Variants in SLC25A25 observed in about 807,000 individuals in gnomAD.
The protein encoded by SLC25A25 is solute carrier family 25 member 25, also known as mitochondrial adenyl nucleotide antiporter SLC25A25.
A neutral mutation model predicts 57.7 loss-of-function variants in SLC25A25; 32 were observed. The observed-to-expected ratio is 0.55, with a 90% CI of 0.42 to 0.74. The LOEUF is 0.74. Among genes scored for constraint, SLC25A25 ranks in the 30% least tolerant of loss-of-function variants. The pLI, the probability that SLC25A25 is intolerant of heterozygous loss-of-function variation, is 0.00. For missense variants in SLC25A25, 556 were observed against 701.3 expected, an observed-to-expected ratio of 0.79 and a Z score of 2.34; for synonymous variants, 306 against 291.2, an observed-to-expected ratio of 1.05 and a Z score of -0.52.
At chr9:128,084,455 G>A (rs1014838121) in intron 1 of SLC25A25, among the ~76,000 whole-genome samples, 4 of 151,934 alleles carry the variant, frequency 2.6e-5, no homozygotes, top group Non-Finnish European at 5.9e-5. Flanking sequence ...GAGCCACCGC[G>A]CCTGGCCTGA....
Position 128,099,129 on chromosome 9 carries a change from A to G in SLC25A25, c.262-1967A>G, listed in dbSNP as rs551472775. ...GCTGCCCGTCCCTGGTGTGGGGGTG[A>G]GGGAGCCTCCCGCCTTCTCGACTCT... is the stretch of plus-strand genomic sequence containing the variant. On this transcript the variant is annotated intron_variant, in intron 1 of 10. Transcript: ENST00000373069. This position sits in a 1 kb window ranked among gnomAD's most constrained non-coding sequence, Gnocchi z 6.8. The G allele has an allele frequency of 3.3e-5, 40 of 1,212,324 alleles. No individual in the cohort carries two copies. In the African/African-American group the frequency reaches 5.6e-4, roughly 17 times the overall value. 75.1% of individuals were successfully genotyped at this position (1,212,324 alleles called of 1,614,324 possible).
Position 128,106,398 on chromosome 9 carries a change from G to A in SLC25A25, c.1090G>A (p.Gly364Arg). Residue 364 changes from glycine to arginine, a missense_variant, in exon 9 of 11, where the codon GGA becomes AGA. Physicochemically the swap from Gly to Arg is moderately radical, Grantham distance 125. Transcript: ENST00000373069. ...GCTGCGGAAGACAGGCCAGTACTCA[G>A]GAATGCTGGACTGCGCCAGGAGGAT... ...MALRKTGQYS[G>R]MLDCARRILA... 1.9e-6 allele frequency: 3 copies of A among 1,613,794 alleles called. No homozygotes were observed. The highest frequency in any genetic ancestry group is 2.5e-6 in the Non-Finnish European group (3 of 1,179,924).
rs768428546 is a variant in SLC25A25, at chr9:128,101,051, G to C, written c.262-45G>C. 1.2e-6 allele frequency: 2 copies of C among 1,612,082 alleles called. No homozygotes were observed. Among genetic ancestry groups the C allele is most frequent in the Non-Finnish European group, 8.5e-7 (1 of 1,179,410 alleles). ...GGGGCCCCACAAGGGACAAGGAAAG[G>C]CTGGTCCAGGAGCCAAAAGACAAAA... is the stretch of plus-strand genomic sequence containing the variant. On this transcript the variant is annotated intron_variant, in intron 1 of 10. Coordinates refer to ENST00000373069, the MANE Select transcript of SLC25A25 (RefSeq NM_001330988.2). The surrounding 1 kb of genome is among the most constrained non-coding windows in gnomAD (Gnocchi z 4.9).
intron 1 of SLC25A25, among the ~76,000 whole-genome samples, chr9:128,084,957 A>G (rs1833243101): frequency 6.6e-6 from 1 of 152,240 alleles, no homozygotes; most frequent in African/African-American, 2.4e-5. Flanking sequence ...ATCCTACCCA[A>G]GAAAGCTACA....
chr9:128,104,863 TTATTA>T (rs1321466759), intron 6 of SLC25A25, among the ~76,000 whole-genome samples: 1 of 145,314 alleles, frequency 6.9e-6, no homozygotes, highest in Non-Finnish European at 1.5e-5. Flanking sequence ...ATTATTATTA[TTATTA>T]TATTTTTTGA....
chr9:128,095,365 C>T lies in SLC25A25; in HGVS notation c.262-5731C>T, dbSNP rs1023090697. On this transcript the variant is annotated intron_variant, in intron 1 of 10. Transcript: ENST00000373069. This position sits in a 1 kb window ranked among gnomAD's most constrained non-coding sequence, Gnocchi z 4.4. Reference sequence around the variant, plus strand: ...GCTTTGGGAATTGGGCAAATCAGGTCGCCTCTCCCAGGCCTGTTTGCTCAA... The same window carrying T: ...GCTTTGGGAATTGGGCAAATCAGGTTGCCTCTCCCAGGCCTGTTTGCTCAA... 1.3e-5 allele frequency among the ~76,000 whole-genome samples: 2 copies of T among 152,162 alleles called. No individual in the cohort carries two copies. Among genetic ancestry groups the T allele is most frequent in the Non-Finnish European group, 2.9e-5 (2 of 68,042 alleles).
intron 1 of SLC25A25, chr9:128,091,258 A>G (rs924576324): frequency 2.5e-5 from 5 of 202,140 alleles, no homozygotes; most frequent in African/African-American, 1.2e-4. Flanking sequence ...CTCAGAGTGG[A>G]TTCTGTAAGC....
chr9:128,097,567 T>C (rs1833597333), intron 1 of SLC25A25, among the ~76,000 whole-genome samples: 1 of 152,180 alleles, frequency 6.6e-6, no homozygotes, highest in African/African-American at 2.4e-5. Flanking sequence ...TAGCTGGGAT[T>C]ACAGGCGTGT....
chr9:128,100,901 G>T, intron 1 of SLC25A25, 195 bp from the exon 2 acceptor site: 1 of 664,024 alleles, frequency 1.5e-6, no homozygotes, highest in East Asian at 2.8e-5. Flanking sequence ...GCCAGCACCT[G>T]GGGTTCTAGG....
rs1833783636 is a variant in SLC25A25 at position 128,101,277 on chromosome 9, C to T, written c.389-32C>T. 2.5e-6 allele frequency: 4 copies of T among 1,614,248 alleles called. No homozygotes were observed. The highest frequency in any genetic ancestry group is 3.4e-6 in the Non-Finnish European group (4 of 1,180,038). ...TCCAGCCTCGGGCCTCCCCGTGCGC[C>T]TGGCTCCTGCTCACGGCCTCTGTTC... On this transcript the variant is annotated intron_variant, in intron 2 of 10. Coordinates refer to ENST00000373069, the MANE Select transcript of SLC25A25 (RefSeq NM_001330988.2). This position sits in a 1 kb window ranked among gnomAD's most constrained non-coding sequence, Gnocchi z 4.9.
At chr9:128,090,305 T>A (rs141525159) in intron 1 of SLC25A25, among the ~76,000 whole-genome samples, 1,577 of 152,124 alleles carry the variant, frequency 0.01, 28 homozygotes, top group African/African-American at 0.036. Context: ...CTCCGCCTCC[T>A]GGGTTCAAGT....
In SLC25A25 at chr9:128,068,248, G is replaced by A. The variant is rs1484227597; in HGVS notation, c.-72G>A. 22 of 892,480 alleles carry A rather than the reference G, an allele frequency of 2.5e-5. No homozygotes were observed. Among genetic ancestry groups the A allele is most frequent in the Non-Finnish European group, 3.1e-5 (21 of 679,422 alleles). The allele number at this position is 892,480 out of a possible 1,614,324, so 55.3% of individuals were successfully genotyped here. A position where few individuals can be genotyped will look rare whatever the true frequency, so the allele number is the denominator to read the frequency against. On this transcript the variant is annotated 5_prime_UTR_variant, in exon 1 of 11. Coordinates refer to ENST00000373069, the MANE Select transcript of SLC25A25 (RefSeq NM_001330988.2). ...CTCCCAGCTGCAGAGCGCCTGGCTT[G>A]CCTCCCGCGCGGTCACCGCCGGCCC...
In SLC25A25 at chr9:128,103,988, A is replaced by AG. The variant is rs1833913706; in HGVS notation, c.783+154dup. The AG allele has an allele frequency of 1.3e-6, 1 of 797,492 alleles. No individual in the cohort carries two copies. The highest frequency in any genetic ancestry group is 1.9e-6 in the Non-Finnish European group (1 of 530,440). The allele number at this position is 797,492 out of a possible 1,614,324, so 49.4% of individuals were successfully genotyped here. ...ATTAGACTAGAATTATTGCTCAGAC[A>AG]GGGGGTACCAAAATGTCACTGTAGG... On this transcript the variant is annotated intron_variant, in intron 6 of 10. Transcript: ENST00000373069. The surrounding 1 kb of genome is among the most constrained non-coding windows in gnomAD (Gnocchi z 6.7).
chr9:128,107,562 C>A lies in SLC25A25; in HGVS notation c.*118C>A. ...GCTGTCTCGAGCCAAGCTGTGAAAA[C>A]CCTAGACGCACCCGCAGGGAGGGTG... On this transcript the variant is annotated 3_prime_UTR_variant, in exon 11 of 11. Coordinates refer to ENST00000373069, the MANE Select transcript of SLC25A25 (RefSeq NM_001330988.2). The A allele has an allele frequency of 2.4e-6, 3 of 1,263,086 alleles. No homozygotes were observed. The highest frequency in any genetic ancestry group is 2.9e-5 in the Admixed American group (1 of 34,672). 78.2% of individuals were successfully genotyped at this position (1,263,086 alleles called of 1,614,324 possible).
intron 1 of SLC25A25, among the ~76,000 whole-genome samples, chr9:128,078,606 C>T (rs1392229425): frequency 2.0e-5 from 3 of 152,222 alleles, no homozygotes; most frequent in South Asian, 2.1e-4. Context: ...CGGACCTCCT[C>T]ATCTTGCAAG....
intron 1 of SLC25A25, among the ~76,000 whole-genome samples, chr9:128,086,763 A>G (rs1833285183): frequency 6.6e-6 from 1 of 152,104 alleles, no homozygotes. Flanking sequence ...GGTGAGAGCC[A>G]CCATACCTGG....
At chr9:128,090,780 C>T (rs144154054) in intron 1 of SLC25A25, among the ~76,000 whole-genome samples, 19 of 152,294 alleles carry the variant, frequency 1.2e-4, no homozygotes, top group Admixed American at 3.9e-4. Context: ...CCACTGCGCT[C>T]CAGCCTGGAT....
intron 1 of SLC25A25, chr9:128,098,850 C>G: frequency 6.6e-7 from 1 of 1,508,898 alleles, no homozygotes; most frequent in Non-Finnish European, 8.8e-7. Flanking sequence ...GCAGTTTTTT[C>G]CCATTGCCAT....
rs760816369 is a variant in SLC25A25 at position 128,106,497 on chromosome 9, G to A, written c.1189G>A (p.Gly397Ser). The A allele has an allele frequency of 8.7e-6, 14 of 1,609,316 alleles. No homozygotes were observed. Among genetic ancestry groups the A allele is most frequent in the Non-Finnish European group, 1.1e-5 (13 of 1,179,102 alleles). ...CATGCTGGGCATCATCCCCTATGCC[G>A]GCATCGACCTTGCAGTCTACGAGGT... ...PNMLGIIPYAGIDLAVYETLK... is the reference protein window; with the variant it reads ...PNMLGIIPYASIDLAVYETLK... The change falls in exon 9 of 11, where the codon GGC becomes AGC. Residue 397 changes from glycine (G) to serine (S), a missense_variant. Coordinates refer to ENST00000373069, the MANE Select transcript of SLC25A25 (RefSeq NM_001330988.2).
Sources: gnomAD v4.1 joint callset for allele counts (sites outside exome capture counted in the v4.1 genomes callset) on GRCh38, gnomAD v4.1.1 for gene constraint, Gnocchi (gnomAD v3.1) non-coding constraint, MANE v1.5 for transcripts, NCBI Gene and HGNC (gene_info 2026-07-23, HGNC 2026-07-21) for gene names.